FCHSD2: variants seen among roughly 807,000 people sequenced by gnomAD.
The protein encoded by FCHSD2 is F-BAR and double SH3 domains protein 2.
A neutral mutation model predicts 108.1 loss-of-function variants in FCHSD2; 38 were observed. The observed-to-expected ratio is 0.35, with a 90% CI of 0.27 to 0.46. The LOEUF (loss-of-function observed/expected upper bound fraction) is 0.46. Among genes scored for constraint, FCHSD2 ranks in the 20% least tolerant of loss-of-function variants. The pLI, the probability that FCHSD2 is intolerant of heterozygous loss-of-function variation, is 1.00. For synonymous variants in FCHSD2, 279 were observed against 314.7 expected, an observed-to-expected ratio of 0.89 and a Z score of 1.20; for missense variants, 751 against 897.8, an observed-to-expected ratio of 0.84 and a Z score of 2.09.
chr11:73,135,859 A>G (rs1861108792), intron 2 of FCHSD2, among the ~76,000 whole-genome samples: 2 of 152,200 alleles, frequency 1.3e-5, no homozygotes, highest in South Asian at 4.1e-4. Flanking sequence ...CCAAAAGATA[A>G]GAACTGGGGA....
Position 72,869,246 on chromosome 11 carries a change from T to A in FCHSD2, c.1147-1220A>T, listed in dbSNP as rs561323820. On this transcript the variant is annotated intron_variant, in intron 12 of 19. Coordinates refer to ENST00000409418, the MANE Select transcript of FCHSD2 (RefSeq NM_014824.3). The stretch of plus-strand genomic sequence containing the variant: ...TATAAACTTCTTGTTTATATCCCTA[T>A]CAAAAAAAGGAAATCAAGGCTTTTT... 2.0e-4 allele frequency among the ~76,000 whole-genome samples: 30 copies of A among 152,158 alleles called. No individual in the cohort carries two copies. In the South Asian group the frequency reaches 2.1e-3, roughly 11 times the overall value.
At chr11:73,131,308 G>C (rs961928433) in intron 2 of FCHSD2, among the ~76,000 whole-genome samples, 2 of 150,518 alleles carry the variant, frequency 1.3e-5, no homozygotes, top group African/African-American at 4.9e-5. Context: ...ACAAGGTCAG[G>C]AGATCGAGAC....
At chr11:73,041,663 C>G (rs1320933068) in intron 3 of FCHSD2, among the ~76,000 whole-genome samples, 1 of 152,040 alleles carries the variant, frequency 6.6e-6, no homozygotes, top group Admixed American at 6.6e-5. Context: ...TAAACGAATA[C>G]TTGCAAATAC....
intron 3 of FCHSD2, 26 bp from the exon 4 acceptor site, chr11:73,015,911 A>G: frequency 7.6e-7 from 1 of 1,312,058 alleles, no homozygotes; most frequent in East Asian, 2.4e-5. Flanking sequence ...TATTTTTTCT[A>G]AAATAAATAT....
chr11:72,939,485 A>C (rs570837587), intron 8 of FCHSD2, among the ~76,000 whole-genome samples: 1 of 151,890 alleles, frequency 6.6e-6, no homozygotes, highest in East Asian at 1.9e-4. Flanking sequence ...ATAGAGATTT[A>C]TTCAGATGTT....
intron 2 of FCHSD2, among the ~76,000 whole-genome samples, chr11:73,109,697 C>T (rs1860436447): frequency 6.6e-6 from 1 of 152,112 alleles, no homozygotes; most frequent in Admixed American, 6.5e-5. Flanking sequence ...CTTTCTTTCT[C>T]TTGTCTGACT....
At chr11:72,987,092 A>G (rs910903503) in intron 6 of FCHSD2, among the ~76,000 whole-genome samples, 27 of 152,258 alleles carry the variant, frequency 1.8e-4, no homozygotes, top group Admixed American at 1.8e-3. Flanking sequence ...AACATATCCA[A>G]AATGAAATTC....
At chr11:73,037,773 A>G (rs1858534184) in intron 3 of FCHSD2, among the ~76,000 whole-genome samples, 1 of 152,148 alleles carries the variant, frequency 6.6e-6, no homozygotes, top group East Asian at 1.9e-4. Flanking sequence ...TGAATATAGG[A>G]GTCCTCATTA....
intron 8 of FCHSD2, among the ~76,000 whole-genome samples, chr11:72,946,521 C>T (rs1037458051): frequency 3.3e-5 from 5 of 151,956 alleles, no homozygotes; most frequent in African/African-American, 4.8e-5. Flanking sequence ...GTTGTGCACA[C>T]GTACCCTAAA....
At position 72,908,537 on chromosome 11, in the gene FCHSD2, A is replaced by G. The variant is rs558496622; in HGVS notation, c.829-5899T>C. On this transcript the variant is annotated intron_variant, in intron 9 of 19. Coordinates refer to ENST00000409418, the MANE Select transcript of FCHSD2 (RefSeq NM_014824.3). ...GCTCCCTTTTCTCCACATCCTCACC[A>G]GCATCTGTGTTACTGCCTATCTTTT... 7.9e-4 allele frequency among the ~76,000 whole-genome samples: 121 copies of G among 152,358 alleles called. 1 individual carries two copies. Among genetic ancestry groups the G allele is most frequent in the African/African-American group, 2.9e-3 (120 of 41,584 alleles).
intron 2 of FCHSD2, among the ~76,000 whole-genome samples, chr11:73,116,843 T>A (rs1277649626): frequency 6.6e-6 from 1 of 152,162 alleles, no homozygotes; most frequent in Non-Finnish European, 1.5e-5. Context: ...GGCCCATATC[T>A]CTTTTTTTAG....
At chr11:73,127,695 A>G (rs983750879) in intron 2 of FCHSD2, among the ~76,000 whole-genome samples, 1 of 152,190 alleles carries the variant, frequency 6.6e-6, no homozygotes, top group African/African-American at 2.4e-5. Context: ...ATCAATTATT[A>G]AGGGGCAAAT....
chr11:72,915,110 T>C (rs912048701), intron 9 of FCHSD2, among the ~76,000 whole-genome samples: 17 of 150,860 alleles, frequency 1.1e-4, no homozygotes, highest in Middle Eastern at 6.8e-3. Flanking sequence ...CTTCTGAAAA[T>C]AAGACATACA....
chr11:73,034,774 T>A (rs1444960999), intron 3 of FCHSD2, among the ~76,000 whole-genome samples: 1 of 152,200 alleles, frequency 6.6e-6, no homozygotes. Context: ...AATTTACTTA[T>A]TAAGGATCAG....
intron 2 of FCHSD2, among the ~76,000 whole-genome samples, chr11:73,116,851 T>A (rs143959801): frequency 3.9e-5 from 6 of 152,306 alleles, no homozygotes; most frequent in East Asian, 1.9e-4. Flanking sequence ...TCTCTTTTTT[T>A]AGTTATGAAC....
intron 10 of FCHSD2, among the ~76,000 whole-genome samples, chr11:72,892,579 T>TA (rs1317198716): frequency 6.6e-6 from 1 of 152,020 alleles, no homozygotes; most frequent in African/African-American, 2.4e-5. Flanking sequence ...CTAGTATAGA[T>TA]AATTATGTTT....
intron 5 of FCHSD2, among the ~76,000 whole-genome samples, chr11:72,997,763 C>T (rs553213657): frequency 1.3e-5 from 2 of 152,290 alleles, no homozygotes; most frequent in East Asian, 1.9e-4. Context: ...TGCAGTGGCA[C>T]GATCTCGACT....
chr11:73,092,088 A>C (rs1016814262), intron 2 of FCHSD2, among the ~76,000 whole-genome samples: 3 of 152,058 alleles, frequency 2.0e-5, no homozygotes, highest in Admixed American at 6.6e-5. Context: ...AGCCTTCCTG[A>C]ATTCCTCTTG....
At chr11:72,947,912 AC>A (rs1856548915) in intron 8 of FCHSD2, among the ~76,000 whole-genome samples, 1 of 152,234 alleles carries the variant, frequency 6.6e-6, no homozygotes, top group Non-Finnish European at 1.5e-5. Context: ...ATCAGTTAAT[AC>A]AGTGTTAACA....
Sources: gnomAD v4.1 joint callset for allele counts (sites outside exome capture counted in the v4.1 genomes callset) on GRCh38, gnomAD v4.1.1 for gene constraint, MANE v1.5 for transcripts, NCBI Gene and HGNC (gene_info 2026-07-23, HGNC 2026-07-21) for gene names.